Variants in FBXO34 observed in about 807,000 individuals in gnomAD.
FBXO34 encodes F-box protein 34.
A neutral mutation model predicts 24.5 loss-of-function variants in FBXO34; 12 were observed. The observed-to-expected ratio is 0.49, with a 90% confidence interval of 0.31 to 0.79. The LOEUF is 0.79. Among genes scored for constraint, FBXO34 ranks in the 30% least tolerant of loss-of-function variants. The pLI is 0.04. For missense variants in FBXO34, 823 were observed against 857.7 expected (o/e 0.96, Z 0.51); for synonymous variants, 320 against 311.9 (o/e 1.03, Z -0.27).
At chr14:55,442,262 G>T in the FBXO34 span, among the ~76,000 whole-genome samples, 1 of 151,242 alleles carries the variant, frequency 6.6e-6, no homozygotes, top group Non-Finnish European at 1.5e-5. Context: ...GGTAGTGTGC[G>T]CCTGTAATCC....
chr14:55,328,123 A>AT (rs976160913), intron 1 of FBXO34, among the ~76,000 whole-genome samples: 31 of 150,794 alleles, frequency 2.1e-4, no homozygotes, highest in African/African-American at 7.1e-4. Context: ...TGATCGGCTA[A>AT]TTTTTTTGTA....
At chr14:55,297,997 A>C (rs1012704344) in intron 1 of FBXO34, among the ~76,000 whole-genome samples, 1 of 152,220 alleles carries the variant, frequency 6.6e-6, no homozygotes, top group Non-Finnish European at 1.5e-5. Flanking sequence ...CAGGACTGGC[A>C]GGAGGAAATA....
chr14:55,437,123 A>G, the FBXO34 span: 3 of 996,162 alleles, frequency 3.0e-6, no homozygotes, highest in East Asian at 7.2e-5. Flanking sequence ...TATTCAGTGT[A>G]AGAGGCAGTT....
chr14:55,327,766 G>A (rs1883387635), intron 1 of FBXO34, among the ~76,000 whole-genome samples: 1 of 151,886 alleles, frequency 6.6e-6, no homozygotes, highest in Non-Finnish European at 1.5e-5. Flanking sequence ...GGCCTCCGGT[G>A]GATTCCTGAA....
the FBXO34 span, among the ~76,000 whole-genome samples, chr14:55,415,280 T>C: frequency 1.2e-4 from 18 of 152,232 alleles, no homozygotes; most frequent in Non-Finnish European, 2.2e-4. Context: ...GAAAGGACTA[T>C]AACAACTGTT....
intron 1 of FBXO34, among the ~76,000 whole-genome samples, chr14:55,272,564 T>A (rs2139612715): frequency 6.6e-6 from 1 of 151,760 alleles, no homozygotes; most frequent in African/African-American, 2.4e-5. Context: ...TATCTGCTTG[T>A]TAGCATTTTT....
At position 55,331,755 on chromosome 14, in the gene FBXO34, A is replaced by ATGTG. The variant is rs1883576590; in HGVS notation, c.-10-18625_-10-18624insGTGT. ...TATATATATATGTGTGTATATATAT[A>ATGTG]TATATGTATATATATATATATATAC... On this transcript the variant is annotated intron_variant, in intron 1 of 1. Transcript: ENST00000313833. Among the ~76,000 whole-genome samples the ATGTG allele has an allele frequency of 6.6e-5, 4 of 60,308 alleles. 1 individual carries two copies. The African/African-American group carries it at 9.0e-4, about 14-fold the overall frequency. 39.6% of individuals were successfully genotyped at this position (60,308 alleles called of 152,430 possible).
At chr14:55,312,192 A>G (rs1333437216) in intron 1 of FBXO34, among the ~76,000 whole-genome samples, 1 of 151,950 alleles carries the variant, frequency 6.6e-6, no homozygotes, top group East Asian at 2.0e-4. Flanking sequence ...ACAGTGTGAG[A>G]CTTTGTCTCA....
chr14:55,359,666 T>C (rs2140102327), intron 3 of FBXO34, among the ~76,000 whole-genome samples: 1 of 152,344 alleles, frequency 6.6e-6, no homozygotes, highest in Non-Finnish European at 1.5e-5. Context: ...CGATTAACTC[T>C]TCCTTTCACG....
the FBXO34 span, chr14:55,396,097 A>C: frequency 9.1e-4 from 629 of 694,296 alleles, 9 homozygotes; most frequent in African/African-American, 0.011. Context: ...AGAAATATCA[A>C]AACGGGACTT....
chr14:55,298,123 C>T (rs1229168224), intron 1 of FBXO34, among the ~76,000 whole-genome samples: 1 of 152,188 alleles, frequency 6.6e-6, no homozygotes, highest in Non-Finnish European at 1.5e-5. Context: ...AAATGTGTAG[C>T]ACACGCTTGT....
At chr14:55,278,615 A>G (rs1250472100) in intron 1 of FBXO34, among the ~76,000 whole-genome samples, 3 of 152,210 alleles carry the variant, frequency 2.0e-5, no homozygotes, top group East Asian at 1.9e-4. Flanking sequence ...AGGAAAATAC[A>G]TAGGACTACT....
chr14:55,389,475 T>C, the FBXO34 span, among the ~76,000 whole-genome samples: 1 of 152,202 alleles, frequency 6.6e-6, no homozygotes, highest in Admixed American at 6.5e-5. Flanking sequence ...CGTGAGCACT[T>C]TATTAGGACA....
At chr14:55,360,253 A>G (rs1594771299) in intron 3 of FBXO34, among the ~76,000 whole-genome samples, 1 of 152,084 alleles carries the variant, frequency 6.6e-6, no homozygotes, top group South Asian at 2.1e-4. Context: ...TTGTATTTTT[A>G]GTAGAGACGG....
chr14:55,303,415 A>T (rs1480544959), intron 1 of FBXO34, among the ~76,000 whole-genome samples: 1 of 152,188 alleles, frequency 6.6e-6, no homozygotes, highest in Non-Finnish European at 1.5e-5. Context: ...GGCAGAATCC[A>T]GGCTTTATAG....
intron 1 of FBXO34, among the ~76,000 whole-genome samples, chr14:55,336,561 A>C (rs1883781878): frequency 1.3e-5 from 2 of 152,176 alleles, no homozygotes; most frequent in Admixed American, 1.3e-4. Context: ...TCCTTTTTAA[A>C]AACCAATAAT....
At chr14:55,431,529 T>TAATTATTAA in the FBXO34 span, among the ~76,000 whole-genome samples, 10 of 152,318 alleles carry the variant, frequency 6.6e-5, no homozygotes, top group African/African-American at 2.4e-4. Flanking sequence ...TTAATTAGGT[T>TAATTATTAA]TTCCCTGTTC....
At chr14:55,288,401 TG>T (rs2139669642) in intron 1 of FBXO34, among the ~76,000 whole-genome samples, 1 of 152,092 alleles carries the variant, frequency 6.6e-6, no homozygotes, top group African/African-American at 2.4e-5. Context: ...GTCCAAGACT[TG>T]GGCTACTGCA....
intron 3 of FBXO34, among the ~76,000 whole-genome samples, chr14:55,360,662 GA>G (rs1389787949): frequency 6.6e-6 from 1 of 152,070 alleles, no homozygotes; most frequent in Non-Finnish European, 1.5e-5. Flanking sequence ...GGCTAGACTT[GA>G]AGGTGAAAGT....
Sources: allele counts gnomAD v4.1 joint callset (sites outside exome capture counted in the v4.1 genomes callset), GRCh38; gene constraint gnomAD v4.1.1; transcripts MANE v1.5; gene names NCBI Gene and HGNC (gene_info 2026-07-23, HGNC 2026-07-21).